The following SREBF2 variants were observed in gnomAD, a reference collection of about 807,000 sequenced individuals.
SREBF2 encodes sterol regulatory element-binding protein 2.
A neutral mutation model predicts 113.1 loss-of-function variants in SREBF2; 55 were observed. That is an observed-to-expected ratio of 0.49 (90% CI 0.39 to 0.61). SREBF2 has a LOEUF of 0.61. SREBF2 is among the 20% of genes least tolerant of loss of function. The pLI is 0.00. For synonymous variants in SREBF2, 593 were observed against 605.7 expected, an observed-to-expected ratio of 0.98 and a Z score of 0.31; for missense variants, 1,349 against 1,487.4, an observed-to-expected ratio of 0.91 and a Z score of 1.53.
intron 10 of SREBF2, among the ~76,000 whole-genome samples, chr22:41,883,839 G>A (rs1254767787): frequency 6.6e-6 from 1 of 152,198 alleles, no homozygotes; most frequent in Non-Finnish European, 1.5e-5. Context: ...CCTTGACATG[G>A]GCACTTCCTC....
intron 16 of SREBF2, chr22:41,900,903 T>C (rs568715866): frequency 9.4e-6 from 5 of 530,560 alleles, no homozygotes; most frequent in South Asian, 4.3e-5. Flanking sequence ...AAGACCACCC[T>C]GGGCACCTCC....
In SREBF2 at chr22:41,894,981, G is replaced by T. The variant is rs112566229; in HGVS notation, c.2495+44G>T. The T allele has an allele frequency of 3.7e-5, 57 of 1,523,360 alleles. 1 individual carries two copies. The African/African-American group carries it at 5.9e-4, about 16-fold the overall frequency. The allele number at this position is 1,523,360 out of a possible 1,614,324, so 94.4% of individuals were successfully genotyped here. On this transcript the variant is annotated intron_variant, in intron 13 of 18. Transcript: ENST00000361204. ...TCCCCCTGCCTTAGGACCTGTCCAC[G>T]CAGGCAACTCCAGGACAGCCTGAAG...
At chr22:41,900,896 A>G (rs745959339) in intron 16 of SREBF2, 1 of 525,762 alleles carries the variant, frequency 1.9e-6, no homozygotes. Context: ...AGAGCTGAAG[A>G]CCACCCTGGG....
rs955906099 is a variant in SREBF2, at chr22:41,867,363, G to A, written c.538+83G>A. 5.8e-5 allele frequency: 85 copies of A among 1,476,996 alleles called. No individual in the cohort carries two copies. In the African/African-American group the frequency reaches 9.0e-4, roughly 16 times the overall value. 91.5% of individuals were successfully genotyped at this position (1,476,996 alleles called of 1,614,324 possible). The stretch of plus-strand genomic sequence containing the variant: ...TGCAGACACTGTAAATATTTCTGTC[G>A]TCTTCAGGAATGGCAGGTATATCAA... On this transcript the variant is annotated intron_variant, in intron 2 of 18. Coordinates refer to ENST00000361204, the MANE Select transcript of SREBF2 (RefSeq NM_004599.4).
intron 11 of SREBF2, among the ~76,000 whole-genome samples, chr22:41,892,380 T>C (rs1263099965): frequency 6.6e-6 from 1 of 152,200 alleles, no homozygotes; most frequent in Non-Finnish European, 1.5e-5. Flanking sequence ...CCAGGCACGG[T>C]GGCTCACGCC....
chr22:41,878,076 G>C lies in SREBF2; in HGVS notation c.1714G>C (p.Val572Leu), dbSNP rs1240421666. 7.4e-6 allele frequency: 12 copies of C among 1,614,180 alleles called. No individual in the cohort carries two copies. Among genetic ancestry groups the C allele is most frequent in the Non-Finnish European group, 1.0e-5 (12 of 1,180,034 alleles). Reference protein sequence around the residue: ...PVIRPHSRSSVTFWRHRKQAD... With the variant: ...PVIRPHSRSSLTFWRHRKQAD... The stretch of plus-strand genomic sequence containing the variant: ...GATCCGGCCACACTCGCGCTCCTCG[G>C]TCACCTTCTGGAGGCACCGGAAACA... Residue 572 changes from valine to leucine, a missense_variant, in exon 9 of 19, where the codon GTC (valine) becomes CTC (leucine). Physicochemically the swap from Val to Leu is conservative, Grantham distance 32. This residue lies in a region of SREBF2 where 699 missense variants were observed against 843.3 expected (regional missense o/e 0.83). Transcript: ENST00000361204.
chr22:41,851,819 C>T (rs1182460833), intron 1 of SREBF2, among the ~76,000 whole-genome samples: 1 of 148,408 alleles, frequency 6.7e-6, no homozygotes, highest in African/African-American at 2.5e-5. Context: ...TCTAAAGACA[C>T]TTTAAAAAAA....
intron 11 of SREBF2, among the ~76,000 whole-genome samples, chr22:41,887,928 A>T (rs1463942502): frequency 6.6e-6 from 1 of 152,108 alleles, no homozygotes; most frequent in African/African-American, 2.4e-5. Context: ...TCTTACATTT[A>T]TTGGCAATTT....
In SREBF2 at chr22:41,875,618, A is replaced by G. The variant is rs748435330; in HGVS notation, c.1280A>G (p.Asn427Ser). ...VDLKIEDFNQ[N>S]VLLMSPPASD... ...CTGAAGATCGAGGACTTTAATCAGA[A>G]TGTCCTTCTGATGTCCCCCCCAGCC... The change falls in exon 7 of 19, where the codon AAT becomes AGT. Residue 427 changes from asparagine to serine, a missense_variant. Physicochemically the swap from Asn to Ser is conservative, Grantham distance 46. Coordinates refer to ENST00000361204, the MANE Select transcript of SREBF2 (RefSeq NM_004599.4). The G allele has an allele frequency of 6.2e-7, 1 of 1,614,228 alleles. No individual in the cohort carries two copies. Among genetic ancestry groups the G allele is most frequent in the Non-Finnish European group, 8.5e-7 (1 of 1,180,034 alleles).
intron 13 of SREBF2, among the ~76,000 whole-genome samples, chr22:41,896,339 GT>G (rs2077416730): frequency 6.6e-6 from 1 of 151,918 alleles, no homozygotes; most frequent in African/African-American, 2.4e-5. Flanking sequence ...AGTCACTTTT[GT>G]TTTTTGTTAT....
Position 41,905,802 on chromosome 22 carries a change from AC to A in SREBF2, c.*146del. On this transcript the variant is annotated 3_prime_UTR_variant, in exon 19 of 19. Transcript: ENST00000361204. ...GCTTCTGGGCCACTCAGGCCAGTGC[AC>A]CCCTGGGCAGAGCCCCTTAAAGCTG... 1.1e-6 allele frequency: 1 copy of A among 940,914 alleles called. No homozygotes were observed. The highest frequency in any genetic ancestry group is 1.4e-5 in the South Asian group (1 of 70,912). The allele number at this position is 940,914 out of a possible 1,614,324, so 58.3% of individuals were successfully genotyped here. A position where few individuals can be genotyped will look rare whatever the true frequency, so the allele number is the denominator to read the frequency against.
intron 1 of SREBF2, among the ~76,000 whole-genome samples, chr22:41,843,031 A>G (rs999580711): frequency 6.6e-6 from 1 of 152,010 alleles, no homozygotes; most frequent in African/African-American, 2.4e-5. Flanking sequence ...TTGCCATACC[A>G]TCTAGGTGTG....
At chr22:41,893,647 C>T (rs2077385184) in intron 12 of SREBF2, among the ~76,000 whole-genome samples, 1 of 152,138 alleles carries the variant, frequency 6.6e-6, no homozygotes, top group South Asian at 2.1e-4. Flanking sequence ...GGCTTGCTTT[C>T]CCTGGCCTCC....
chr22:41,873,510 T>C (rs2077165387), intron 4 of SREBF2, among the ~76,000 whole-genome samples: 1 of 152,142 alleles, frequency 6.6e-6, no homozygotes, highest in South Asian at 2.1e-4. Flanking sequence ...AGAAATCATA[T>C]GACTTGTTTC....
intron 1 of SREBF2, among the ~76,000 whole-genome samples, chr22:41,849,634 A>G (rs1342572992): frequency 1.3e-5 from 2 of 152,324 alleles, no homozygotes; most frequent in Non-Finnish European, 2.9e-5. Flanking sequence ...ATTAAAATGT[A>G]TACTTAAAAA....
At chr22:41,870,531 C>T (rs1268512678) in intron 3 of SREBF2, among the ~76,000 whole-genome samples, 1 of 149,908 alleles carries the variant, frequency 6.7e-6, no homozygotes, top group Non-Finnish European at 1.5e-5. Flanking sequence ...GAGGCTGAGG[C>T]AGCAGGATCA....
In SREBF2 at chr22:41,906,260, G is replaced by T. The variant is rs529491681; in HGVS notation, c.*600G>T. 3.7e-6 allele frequency: 1 copy of T among 273,808 alleles called. No individual in the cohort carries two copies. Among genetic ancestry groups the T allele is most frequent in the Non-Finnish European group, 7.1e-6 (1 of 140,066 alleles). The allele number at this position is 273,808 out of a possible 1,614,324, so 17.0% of individuals were successfully genotyped here. On this transcript the variant is annotated 3_prime_UTR_variant, in exon 19 of 19. Coordinates refer to ENST00000361204, the MANE Select transcript of SREBF2 (RefSeq NM_004599.4). The stretch of plus-strand genomic sequence containing the variant: ...TTACACAGGACAGCCAGGGGAGGAG[G>T]GGGGCCCAGCCCTGGGAGGCTGGTG...
Position 41,838,427 on chromosome 22 carries a change from G to A in SREBF2, c.88+5069G>A, listed in dbSNP as rs376708113. ...AGTAGGGGGTGACATATTAATCATG[G>A]GTTTTTAAGAAAATTGAATTGTGGG... is the stretch of plus-strand genomic sequence containing the variant. On this transcript the variant is annotated intron_variant, in intron 1 of 18. Coordinates refer to ENST00000361204, the MANE Select transcript of SREBF2 (RefSeq NM_004599.4). Among the ~76,000 whole-genome samples, 14 of 151,982 alleles carry A rather than the reference G, an allele frequency of 9.2e-5. No homozygotes were observed. The East Asian group carries it at 2.5e-3, about 27-fold the overall frequency.
chr22:41,852,212 G>C (rs2076938882), intron 1 of SREBF2, among the ~76,000 whole-genome samples: 1 of 148,724 alleles, frequency 6.7e-6, no homozygotes, highest in Non-Finnish European at 1.5e-5. Context: ...GAAAAAACCA[G>C]AAAAAAAAAG....
Sources: allele counts gnomAD v4.1 joint callset (sites outside exome capture counted in the v4.1 genomes callset), GRCh38; gene constraint gnomAD v4.1.1; regional missense constraint gnomAD v4.1.1; transcripts MANE v1.5; gene names NCBI Gene and HGNC (gene_info 2026-07-23, HGNC 2026-07-21).